The following ELMO1 variants were observed in gnomAD, a reference collection of about 807,000 sequenced individuals.
The protein encoded by ELMO1 is engulfment and cell motility 1, also known as engulfment and cell motility protein 1.
In ELMO1, 26 loss-of-function variants were observed where a neutral mutation model predicts 98.9. That is an observed-to-expected ratio of 0.26 (90% CI 0.19 to 0.36). The LOEUF is 0.36. Among genes scored for constraint, ELMO1 ranks in the 10% least tolerant of loss-of-function variants. The probability of loss-of-function intolerance (pLI) is 1.00; values close to 1 mark genes in which losing one functional copy is unlikely to be tolerated. For missense variants in ELMO1, 627 were observed against 935.2 expected (o/e 0.67, Z 4.30); for synonymous variants, 346 against 346.0 (o/e 1.00, Z 0.00).
chr7:36,890,359 CTTT>C (rs1029703866), intron 17 of ELMO1, among the ~76,000 whole-genome samples: 2 of 152,218 alleles, frequency 1.3e-5, no homozygotes, highest in Non-Finnish European at 2.9e-5. Flanking sequence ...GAGATTCCTT[CTTT>C]GACTTGGGGT....
intron 4 of ELMO1, among the ~76,000 whole-genome samples, chr7:37,302,027 C>T (rs1798377817): frequency 6.6e-6 from 1 of 152,176 alleles, no homozygotes; most frequent in African/African-American, 2.4e-5. Context: ...AAATAGTATA[C>T]CTATCTGACA....
At chr7:37,099,545 G>T (rs1017421063) in intron 14 of ELMO1, among the ~76,000 whole-genome samples, 1 of 152,062 alleles carries the variant, frequency 6.6e-6, no homozygotes, top group Non-Finnish European at 1.5e-5. Context: ...TCAAAATGAA[G>T]TACTAAAAGG....
intron 16 of ELMO1, among the ~76,000 whole-genome samples, chr7:37,005,762 T>C (rs1305054334): frequency 1.3e-5 from 2 of 151,334 alleles, no homozygotes; most frequent in Non-Finnish European, 2.9e-5. Context: ...GAGCAGCTTG[T>C]CCACCTTTCC....
intron 15 of ELMO1, among the ~76,000 whole-genome samples, chr7:37,081,110 G>T (rs1237300776): frequency 6.6e-6 from 1 of 152,064 alleles, no homozygotes; most frequent in Non-Finnish European, 1.5e-5. Context: ...CACTGCTATA[G>T]CCCCAGTGCT....
chr7:36,988,295 T>C (rs998280436), intron 16 of ELMO1, among the ~76,000 whole-genome samples: 1 of 152,186 alleles, frequency 6.6e-6, no homozygotes, highest in African/African-American at 2.4e-5. Context: ...CTGCCTAGTC[T>C]CCTCTGCCAT....
At chr7:37,042,097 C>A (rs1430242032) in intron 15 of ELMO1, among the ~76,000 whole-genome samples, 9 of 144,852 alleles carry the variant, frequency 6.2e-5, no homozygotes, top group African/African-American at 2.3e-4. Flanking sequence ...CCAACCTGGG[C>A]ACATGGAAAA....
intron 16 of ELMO1, among the ~76,000 whole-genome samples, chr7:36,919,134 A>C (rs566850523): frequency 6.6e-6 from 1 of 152,322 alleles, no homozygotes; most frequent in Admixed American, 6.5e-5. Context: ...CTCACAGCTC[A>C]ATATTCAAGC....
At chr7:37,216,819 TAATGAA>T in intron 10 of ELMO1, 124 bp from the exon 11 acceptor site, 1 of 950,424 alleles carries the variant, frequency 1.1e-6, no homozygotes, top group Non-Finnish European at 1.7e-6. Flanking sequence ...TCTTATGAAA[TAATGAA>T]CTCAAACAGG....
At chr7:36,917,151 C>A (rs1038580867) in intron 16 of ELMO1, among the ~76,000 whole-genome samples, 1 of 152,146 alleles carries the variant, frequency 6.6e-6, no homozygotes, top group Non-Finnish European at 1.5e-5. Context: ...AATTTATTAA[C>A]AGGTAATTAT....
Position 36,853,578 on chromosome 7 carries a change from G to A in ELMO1, c.*1973C>T, listed in dbSNP as rs1371221738. Among the ~76,000 whole-genome samples, 2 of 152,244 alleles carry A rather than the reference G, an allele frequency of 1.3e-5. No individual in the cohort carries two copies. The highest frequency in any genetic ancestry group is 4.8e-5 in the African/African-American group (2 of 41,466). On this transcript the variant is annotated 3_prime_UTR_variant, in exon 22 of 22. Transcript: ENST00000310758. Reference sequence around the variant, plus strand: ...ATCAAGGAATTAACAGCTTGACACAGGTGTGAGTGCTCTGATGGGAAGAAG... The same window carrying A: ...ATCAAGGAATTAACAGCTTGACACAAGTGTGAGTGCTCTGATGGGAAGAAG...
intron 2 of ELMO1, among the ~76,000 whole-genome samples, chr7:37,319,424 TC>T (rs1294217283): frequency 2.0e-5 from 3 of 152,150 alleles, no homozygotes; most frequent in Non-Finnish European, 4.4e-5. Context: ...GCCTAACTCT[TC>T]TTCTGAACTC....
intron 6 of ELMO1, among the ~76,000 whole-genome samples, chr7:37,258,773 AAAG>A (rs1795828064): frequency 6.6e-6 from 1 of 152,296 alleles, no homozygotes; most frequent in Admixed American, 6.5e-5. Context: ...GTCAATGAAA[AAAG>A]AAACATAATT....
At chr7:37,090,390 TTTC>T (rs1340156911) in intron 15 of ELMO1, among the ~76,000 whole-genome samples, 1 of 152,206 alleles carries the variant, frequency 6.6e-6, no homozygotes, top group Admixed American at 6.5e-5. Flanking sequence ...AACTGGGACA[TTTC>T]TTTTCATTAT....
At chr7:37,267,783 CT>C (rs1166469966) in intron 5 of ELMO1, among the ~76,000 whole-genome samples, 1 of 152,162 alleles carries the variant, frequency 6.6e-6, no homozygotes, top group Non-Finnish European at 1.5e-5. Flanking sequence ...GGCAGCCTGT[CT>C]TTTGGGACGG....
intron 17 of ELMO1, 34 bp from the exon 18 acceptor site, chr7:36,887,706 C>T (rs755257740): frequency 6.2e-7 from 1 of 1,601,458 alleles, no homozygotes; most frequent in African/African-American, 1.3e-5. Flanking sequence ...CCACAGCATG[C>T]CTTGAGAAAC....
chr7:36,931,703 T>C (rs1049448024), intron 16 of ELMO1, among the ~76,000 whole-genome samples: 4 of 152,196 alleles, frequency 2.6e-5, no homozygotes, highest in African/African-American at 9.6e-5. Flanking sequence ...CAGCTCCCAG[T>C]GGCACACCCA....
chr7:37,083,231 C>A (rs1411626122), intron 15 of ELMO1, among the ~76,000 whole-genome samples: 1 of 152,142 alleles, frequency 6.6e-6, no homozygotes, highest in African/African-American at 2.4e-5. Flanking sequence ...GATCTGAATT[C>A]CCAGGGAAGG....
At chr7:37,199,406 G>A (rs569265764) in intron 13 of ELMO1, among the ~76,000 whole-genome samples, 20 of 152,284 alleles carry the variant, frequency 1.3e-4, no homozygotes, top group African/African-American at 4.8e-4. Flanking sequence ...GTTGCAGTGA[G>A]CCATGATGAT....
intron 13 of ELMO1, among the ~76,000 whole-genome samples, chr7:37,141,689 T>C (rs1432208396): frequency 1.3e-5 from 2 of 152,230 alleles, no homozygotes; most frequent in South Asian, 2.1e-4. Context: ...TGAAATAACA[T>C]ACTTTCATTT....
Sources: gnomAD v4.1 joint callset for allele counts (sites outside exome capture counted in the v4.1 genomes callset) on GRCh38, gnomAD v4.1.1 for gene constraint, MANE v1.5 for transcripts, NCBI Gene and HGNC (gene_info 2026-07-23, HGNC 2026-07-21) for gene names.